Variants in ZNF518A observed in about 807,000 individuals in gnomAD.
The protein encoded by ZNF518A is zinc finger protein 518A.
A neutral mutation model predicts 102.7 loss-of-function variants in ZNF518A; 47 were observed. That is an observed-to-expected ratio of 0.46 (90% confidence interval 0.36 to 0.58). The LOEUF (loss-of-function observed/expected upper bound fraction) is 0.58, where lower values mean the gene tolerates loss of function less well. Ranked by LOEUF, ZNF518A falls within the 20% of genes least tolerant of loss-of-function variation. The pLI is 0.00. For missense variants in ZNF518A, 1,793 were observed against 1,699.8 expected, an observed-to-expected ratio of 1.05 and a Z score of -0.96; for synonymous variants, 652 against 594.6, an observed-to-expected ratio of 1.10 and a Z score of -1.40.
chr10:96,159,226 T>C lies in ZNF518A; in HGVS notation c.2904T>C (p.Ala968=). 6.2e-7 allele frequency: 1 copy of C among 1,613,754 alleles called. No individual in the cohort carries two copies. Among genetic ancestry groups the C allele is most frequent in the South Asian group, 1.1e-5 (1 of 91,066 alleles). ...LPLVNSQGIP[A]SLFVNKKPGM... Reference sequence around the variant, plus strand: ...TGGTTAATTCACAAGGTATCCCTGCTTCTCTTTTTGTAAACAAGAAACCTG... The same window carrying C: ...TGGTTAATTCACAAGGTATCCCTGCCTCTCTTTTTGTAAACAAGAAACCTG... The change falls in exon 6 of 6, where the codon GCT becomes GCC. Residue 968 remains alanine (A), a synonymous_variant. Coordinates refer to ENST00000316045, the MANE Select transcript of ZNF518A (RefSeq NM_001330736.2).
chr10:96,145,991 A>G lies in ZNF518A; in HGVS notation c.-301-9335A>G, dbSNP rs146394209. 2.4e-3 allele frequency among the ~76,000 whole-genome samples: 369 copies of G among 152,258 alleles called. 1 individual carries two copies. Among genetic ancestry groups the G allele is most frequent in the Non-Finnish European group, 4.2e-3 (284 of 68,014 alleles). On this transcript the variant is annotated intron_variant, in intron 3 of 5. Transcript: ENST00000316045. ...AGAGTAACCAGTGATCACTAGGAAC[A>G]TTTTTGTATGTGTATTCTTCTTGAC...
chr10:96,152,953 A>G (rs1264436766), intron 3 of ZNF518A, among the ~76,000 whole-genome samples: 1 of 152,166 alleles, frequency 6.6e-6, no homozygotes, highest in Non-Finnish European at 1.5e-5. Context: ...GAATTGACTG[A>G]TGTGATTATG....
At chr10:96,172,345 A>G (rs2083178829) in intron 1 of ZNF518A, among the ~76,000 whole-genome samples, 2 of 152,118 alleles carry the variant, frequency 1.3e-5, no homozygotes, top group Admixed American at 1.3e-4. Context: ...GCTATTTTGC[A>G]GTAAGGAAAT....
chr10:96,196,935 G>C, intron 1 of ZNF518A: 2 of 1,613,392 alleles, frequency 1.2e-6, no homozygotes, highest in Non-Finnish European at 1.7e-6. Flanking sequence ...TTCTGCCCAA[G>C]GCATATTGTT....
At chr10:96,173,111 G>A (rs1285165536) in intron 1 of ZNF518A, among the ~76,000 whole-genome samples, 1 of 152,090 alleles carries the variant, frequency 6.6e-6, no homozygotes, top group Non-Finnish European at 1.5e-5. Context: ...ATATACAGGA[G>A]GATATTTGTA....
chr10:96,147,821 T>C (rs909645640), intron 3 of ZNF518A, among the ~76,000 whole-genome samples: 1 of 152,228 alleles, frequency 6.6e-6, no homozygotes, highest in African/African-American at 2.4e-5. Context: ...ATTATCATCC[T>C]GGAAACTGAT....
intron 3 of ZNF518A, among the ~76,000 whole-genome samples, chr10:96,153,266 G>C (rs1185535712): frequency 6.6e-6 from 1 of 152,148 alleles, no homozygotes; most frequent in Non-Finnish European, 1.5e-5. Context: ...CCGGTTGGAT[G>C]GTGCCCACCC....
chr10:96,151,212 T>C (rs1554880319), intron 3 of ZNF518A, among the ~76,000 whole-genome samples: 1 of 152,222 alleles, frequency 6.6e-6, no homozygotes, highest in African/African-American at 2.4e-5. Context: ...GATGAATTCC[T>C]AAAGAATACA....
rs893467718 is a variant in ZNF518A at position 96,160,874 on chromosome 10, C to G, written c.*100C>G. 15 of 1,208,542 alleles carry G rather than the reference C, an allele frequency of 1.2e-5. No individual in the cohort carries two copies. In the Middle Eastern group the frequency reaches 1.4e-3, roughly 116 times the overall value. 74.9% of individuals were successfully genotyped at this position (1,208,542 alleles called of 1,614,324 possible). A position where few individuals can be genotyped will look rare whatever the true frequency, so the allele number is the denominator to read the frequency against. ...AGACATTTTCTACTTCAGTATAGTA[C>G]CTGAAATCGAACATTTTAAAAGTTG... On this transcript the variant is annotated 3_prime_UTR_variant, in exon 6 of 6. Coordinates refer to ENST00000316045, the MANE Select transcript of ZNF518A (RefSeq NM_001330736.2).
chr10:96,179,842 CCTT>C (rs139762736), intron 1 of ZNF518A, among the ~76,000 whole-genome samples: 13 of 148,270 alleles, frequency 8.8e-5, no homozygotes, highest in Admixed American at 7.5e-4. Flanking sequence ...TCCTCCTCAT[CCTT>C]CTTCTTTTCT....
chr10:96,201,099 T>G, intron 1 of ZNF518A: 1 of 1,547,398 alleles, frequency 6.5e-7, no homozygotes, highest in Middle Eastern at 1.7e-4. Context: ...ATCTTCATAT[T>G]TCTTGAACTC....
Position 96,200,271 on chromosome 10 carries a change from C to A in ZNF518A, n.36-3303C>A, listed in dbSNP as rs2083595261. 1 of 698,226 alleles carries A rather than the reference C, an allele frequency of 1.4e-6. No individual in the cohort carries two copies. The highest frequency in any genetic ancestry group is 2.5e-6 in the Non-Finnish European group (1 of 403,440). The allele number at this position is 698,226 out of a possible 1,614,324, so 43.3% of individuals were successfully genotyped here. Reference sequence around the variant, plus strand: ...ATCAAGACAGGCCTCTACATTTACACCAATAATTTTAAGATGAGTTTTATT... The same window carrying A: ...ATCAAGACAGGCCTCTACATTTACAACAATAATTTTAAGATGAGTTTTATT... On this transcript the variant is annotated intron_variant and non_coding_transcript_variant, in intron 1 of 2. Transcript: ENST00000442635. This position sits in a 1 kb window ranked among gnomAD's most constrained non-coding sequence, Gnocchi z 4.3.
Position 96,162,289 on chromosome 10 carries a change from G to C in ZNF518A, c.*1515G>C, listed in dbSNP as rs587711987. 18 of 166,870 alleles carry C rather than the reference G, an allele frequency of 1.1e-4. No individual in the cohort carries two copies. Among genetic ancestry groups the C allele is most frequent in the Admixed American group, 4.6e-4 (7 of 15,280 alleles). 10.3% of individuals were successfully genotyped at this position (166,870 alleles called of 1,614,324 possible). On this transcript the variant is annotated 3_prime_UTR_variant, in exon 6 of 6. Coordinates refer to ENST00000316045, the MANE Select transcript of ZNF518A (RefSeq NM_001330736.2). Reference sequence around the variant, plus strand: ...TGTTTAATTTAAAAGGAATATATAAGACTTTACCCATGTTATTTTCTTGGT... The same window carrying C: ...TGTTTAATTTAAAAGGAATATATAACACTTTACCCATGTTATTTTCTTGGT...
At chr10:96,202,441 G>A (rs1454975395) in intron 1 of ZNF518A, among the ~76,000 whole-genome samples, 1 of 152,218 alleles carries the variant, frequency 6.6e-6, no homozygotes, top group Non-Finnish European at 1.5e-5. Context: ...TGGAAGGTGT[G>A]TGAAGAAAGC....
intron 1 of ZNF518A, among the ~76,000 whole-genome samples, chr10:96,178,190 A>G: frequency 6.6e-6 from 1 of 152,138 alleles, no homozygotes; most frequent in East Asian, 1.9e-4. Flanking sequence ...TCACAAGTCC[A>G]TGTAGAACAT....
Position 96,158,612 on chromosome 10 carries a change from A to G in ZNF518A, c.2290A>G (p.Ile764Val). 4 of 1,613,428 alleles carry G rather than the reference A, an allele frequency of 2.5e-6. No homozygotes were observed. Among genetic ancestry groups the G allele is most frequent in the Non-Finnish European group, 3.4e-6 (4 of 1,179,666 alleles). The change falls in exon 6 of 6, where the codon ATC becomes GTC. Residue 764 changes from isoleucine to valine, a missense_variant. Physicochemically the swap from Ile to Val is conservative, Grantham distance 29. Coordinates refer to ENST00000316045, the MANE Select transcript of ZNF518A (RefSeq NM_001330736.2). ...SNVDSPMMPR[I>V]TSVFSLQSQQ... ...TGTCGATTCACCTATGATGCCTAGA[A>G]TCACATCTGTTTTCTCTCTCCAGAG...
chr10:96,131,007 A>G (rs1312507618), intron 1 of ZNF518A, among the ~76,000 whole-genome samples: 1 of 152,150 alleles, frequency 6.6e-6, no homozygotes, highest in Non-Finnish European at 1.5e-5. Context: ...AACAGTTAAG[A>G]CTCAGTTTTC....
At chr10:96,152,936 A>G (rs2082522045) in intron 3 of ZNF518A, among the ~76,000 whole-genome samples, 1 of 152,200 alleles carries the variant, frequency 6.6e-6, no homozygotes, top group Non-Finnish European at 1.5e-5. Flanking sequence ...GAGGGGATTT[A>G]TTAGGGGAAT....
intron 3 of ZNF518A, among the ~76,000 whole-genome samples, chr10:96,135,531 A>G (rs978308958): frequency 7.9e-5 from 12 of 152,204 alleles, no homozygotes; most frequent in African/African-American, 2.7e-4. Context: ...TCATTTGTGC[A>G]TGCATTCAAT....
Sources: gnomAD v4.1 joint callset for allele counts (sites outside exome capture counted in the v4.1 genomes callset) on GRCh38, gnomAD v4.1.1 for gene constraint, Gnocchi (gnomAD v3.1) non-coding constraint, MANE v1.5 for transcripts, NCBI Gene and HGNC (gene_info 2026-07-23, HGNC 2026-07-21) for gene names.